The following SGIP1 variants were observed in gnomAD, a reference collection of about 807,000 sequenced individuals.
SGIP1 encodes the protein SH3GL interacting endocytic adaptor 1, also known as SH3-containing GRB2-like protein 3-interacting protein 1.
SGIP1 carries 38 observed loss-of-function variants against 107.5 expected under a neutral mutation model. The observed-to-expected ratio is 0.35, with a 90% confidence interval of 0.27 to 0.46. The LOEUF (loss-of-function observed/expected upper bound fraction) is 0.46. Ranked by LOEUF, SGIP1 falls within the 20% of genes least tolerant of loss-of-function variation. The probability of loss-of-function intolerance (pLI) is 1.00; values close to 1 mark genes in which losing one functional copy is unlikely to be tolerated. For missense variants in SGIP1, 929 were observed against 1,019.5 expected (o/e 0.91, Z 1.21); for synonymous variants, 365 against 366.1 (o/e 1.00, Z 0.03).
At chr1:66,547,144 T>G (rs1445198172) in intron 1 of SGIP1, among the ~76,000 whole-genome samples, 2 of 152,224 alleles carry the variant, frequency 1.3e-5, no homozygotes, top group Admixed American at 6.5e-5. Context: ...CAACTCATTT[T>G]AAAACTCTAT....
Position 66,606,728 on chromosome 1 carries a change from T to A in SGIP1, c.11-19119T>A, listed in dbSNP as rs565512987. The stretch of plus-strand genomic sequence containing the variant: ...CATAGCTGGGTTGTCTCTGCCAAGA[T>A]AATTTATCATTCACTGTTTTTACAC... On this transcript the variant is annotated intron_variant, in intron 1 of 24. Transcript: ENST00000371037. 2.6e-5 allele frequency among the ~76,000 whole-genome samples: 4 copies of A among 152,370 alleles called. No homozygotes were observed. The South Asian group carries it at 8.3e-4, about 32-fold the overall frequency.
At chr1:66,644,392 C>T (rs917365078) in intron 7 of SGIP1, among the ~76,000 whole-genome samples, 1 of 151,808 alleles carries the variant, frequency 6.6e-6, no homozygotes, top group Non-Finnish European at 1.5e-5. Flanking sequence ...ACTTTCATTC[C>T]CCAATTCCCA....
At chr1:66,599,685 A>C (rs1330105966) in intron 1 of SGIP1, among the ~76,000 whole-genome samples, 1 of 152,228 alleles carries the variant, frequency 6.6e-6, no homozygotes, top group Non-Finnish European at 1.5e-5. Flanking sequence ...TATACGAGGA[A>C]AATGTACAAA....
intron 19 of SGIP1, among the ~76,000 whole-genome samples, chr1:66,728,573 A>G (rs1054383374): frequency 3.9e-5 from 6 of 152,118 alleles, no homozygotes; most frequent in African/African-American, 1.4e-4. Context: ...AAACAGAACT[A>G]CCCTTTGACC....
intron 12 of SGIP1, among the ~76,000 whole-genome samples, chr1:66,674,769 TCA>T: frequency 6.6e-6 from 1 of 152,322 alleles, no homozygotes; most frequent in East Asian, 1.9e-4. Context: ...CCACTGGAAC[TCA>T]CTGCTAACTA....
At chr1:66,569,316 A>G (rs1309140812) in intron 1 of SGIP1, among the ~76,000 whole-genome samples, 3 of 151,942 alleles carry the variant, frequency 2.0e-5, no homozygotes, top group Non-Finnish European at 4.4e-5. Flanking sequence ...CCTGGTAGAA[A>G]AGCTGTGAGT....
intron 1 of SGIP1, among the ~76,000 whole-genome samples, chr1:66,549,619 A>C (rs2057081506): frequency 6.6e-6 from 1 of 152,144 alleles, no homozygotes; most frequent in Non-Finnish European, 1.5e-5. Context: ...TGCCATTGGC[A>C]TTGTTAATAT....
chr1:66,733,938 A>G (rs987262326), intron 21 of SGIP1, 58 bp downstream of exon 21: 229 of 1,533,632 alleles, frequency 1.5e-4, no homozygotes, highest in Non-Finnish European at 1.9e-4. Context: ...TTTCTAAAGT[A>G]CCTACTATTG....
intron 7 of SGIP1, among the ~76,000 whole-genome samples, chr1:66,647,081 A>C (rs1473269053): frequency 2.0e-5 from 3 of 152,206 alleles, no homozygotes; most frequent in Admixed American, 2.0e-4. Context: ...AGAGACCAAA[A>C]TAATAATGGC....
intron 1 of SGIP1, among the ~76,000 whole-genome samples, chr1:66,569,605 G>C (rs532355480): frequency 6.6e-6 from 1 of 151,740 alleles, no homozygotes; most frequent in Non-Finnish European, 1.5e-5. Context: ...TTCCCACTTG[G>C]TTGTGGTATA....
intron 13 of SGIP1, 142 bp downstream of exon 13, chr1:66,677,238 AG>A: frequency 1.5e-6 from 1 of 646,092 alleles, no homozygotes; most frequent in Non-Finnish European, 2.6e-6. Flanking sequence ...TTATTCTAAC[AG>A]GCTTTCAAGT....
At chr1:66,635,899 A>G (rs1416317528) in intron 3 of SGIP1, 45 bp from the exon 4 acceptor site, 9 of 1,584,690 alleles carry the variant, frequency 5.7e-6, no homozygotes, top group Non-Finnish European at 7.8e-6. Flanking sequence ...AAGAACAAGC[A>G]GATCTTTTAA....
intron 2 of SGIP1, among the ~76,000 whole-genome samples, chr1:66,627,933 T>C (rs1274191558): frequency 7.3e-6 from 1 of 136,890 alleles, no homozygotes; most frequent in Non-Finnish European, 1.6e-5. Context: ...GTGTGTGATG[T>C]TCCCCTTCCT....
At chr1:66,741,484 G>T in intron 24 of SGIP1, 48 bp downstream of exon 24, 1 of 1,509,714 alleles carries the variant, frequency 6.6e-7, no homozygotes, top group Non-Finnish European at 8.9e-7. Flanking sequence ...ATGTTGCCTT[G>T]GCTACTCTTA....
At chr1:66,566,069 GAT>G (rs1462505193) in intron 1 of SGIP1, among the ~76,000 whole-genome samples, 1 of 151,964 alleles carries the variant, frequency 6.6e-6, no homozygotes, top group African/African-American at 2.4e-5. Flanking sequence ...CTGAATGAAA[GAT>G]ATATTCACTT....
chr1:66,682,742 C>T (rs1035084109), intron 15 of SGIP1, among the ~76,000 whole-genome samples: 17 of 151,714 alleles, frequency 1.1e-4, no homozygotes, highest in African/African-American at 4.1e-4. Context: ...TGTCGGATGC[C>T]CCCACAAGGA....
intron 1 of SGIP1, among the ~76,000 whole-genome samples, chr1:66,608,302 A>G (rs190043058): frequency 2.0e-5 from 3 of 152,352 alleles, no homozygotes; most frequent in African/African-American, 7.2e-5. Flanking sequence ...ATTTCACAGA[A>G]TCTTATTTTC....
intron 1 of SGIP1, among the ~76,000 whole-genome samples, chr1:66,613,264 T>C (rs1432498725): frequency 1.3e-5 from 2 of 152,296 alleles, no homozygotes; most frequent in Middle Eastern, 3.4e-3. Context: ...TTCTTGTCCT[T>C]CTACTTTGTC....
chr1:66,614,050 C>G (rs1173710879), intron 1 of SGIP1, among the ~76,000 whole-genome samples: 2 of 152,032 alleles, frequency 1.3e-5, no homozygotes, highest in East Asian at 1.9e-4. Context: ...GAAGAAAATA[C>G]CAGTGATGAG....
Sources: gnomAD v4.1 joint callset for allele counts (sites outside exome capture counted in the v4.1 genomes callset) on GRCh38, gnomAD v4.1.1 for gene constraint, MANE v1.5 for transcripts, NCBI Gene and HGNC (gene_info 2026-07-23, HGNC 2026-07-21) for gene names.